The following ABCA1 variants were observed in gnomAD, a reference collection of about 807,000 sequenced individuals.
ABCA1 encodes the protein phospholipid-transporting ATPase ABCA1.
Under a neutral mutation model 262.5 loss-of-function variants are expected in ABCA1, and 133 were observed. That is an observed-to-expected ratio of 0.51 (90% confidence interval 0.44 to 0.59). The LOEUF (loss-of-function observed/expected upper bound fraction) is 0.59. Ranked by LOEUF, ABCA1 falls within the 20% of genes least tolerant of loss-of-function variation. The probability of loss-of-function intolerance (pLI) is 0.00; values close to 1 mark genes in which losing one functional copy is unlikely to be tolerated. For synonymous variants in ABCA1, 1,022 were observed against 1,043.5 expected (o/e 0.98, Z 0.40); for missense variants, 2,452 against 2,777.5 (o/e 0.88, Z 2.63).
intron 25 of ABCA1, among the ~76,000 whole-genome samples, chr9:104,815,817 TC>T (rs1831700318): frequency 6.6e-6 from 1 of 152,300 alleles, no homozygotes; most frequent in African/African-American, 2.4e-5. Flanking sequence ...ATGCCGCTGT[TC>T]CTCACACTGT....
At chr9:104,925,483 G>T (rs1391231226) in intron 1 of ABCA1, among the ~76,000 whole-genome samples, 3 of 152,000 alleles carry the variant, frequency 2.0e-5, no homozygotes, top group Non-Finnish European at 2.9e-5. Context: ...TATCACACGT[G>T]TCCAGGTTAC....
At chr9:104,786,023 T>C (rs763078145) in intron 48 of ABCA1, among the ~76,000 whole-genome samples, 3 of 152,204 alleles carry the variant, frequency 2.0e-5, no homozygotes, top group Non-Finnish European at 2.9e-5. Flanking sequence ...TGTAAATTTT[T>C]TTCATTTCAT....
At chr9:104,820,633 G>T (rs989165655) in intron 20 of ABCA1, among the ~76,000 whole-genome samples, 2 of 152,192 alleles carry the variant, frequency 1.3e-5, no homozygotes, top group African/African-American at 4.8e-5. Flanking sequence ...CTCCCTGGGG[G>T]CCTTATGGCT....
rs1322583897 is a variant in ABCA1 at position 104,814,404 on chromosome 9, C to T, written c.3787+23G>A. On this transcript the variant is annotated intron_variant, in intron 26 of 49. Coordinates refer to ENST00000374736, the MANE Select transcript of ABCA1 (RefSeq NM_005502.4). ...AGCAGAAGGCACTATCTTAAGTGTG[C>T]CATTCTCCCTCAAGGCAGTTACCTG... 4 of 1,613,276 alleles carry T rather than the reference C, an allele frequency of 2.5e-6. No individual in the cohort carries two copies. The African/African-American group carries it at 5.3e-5, about 22-fold the overall frequency.
chr9:104,787,117 T>C (rs1174560122), intron 46 of ABCA1, 141 bp from the exon 47 acceptor site: 5 of 662,638 alleles, frequency 7.5e-6, no homozygotes. Flanking sequence ...ATCAAAGAAT[T>C]AGAGTAACTT....
chr9:104,821,531 A>G (rs768760197), intron 19 of ABCA1, 25 bp from the exon 20 acceptor site: 3 of 1,613,278 alleles, frequency 1.9e-6, no homozygotes, highest in Non-Finnish European at 2.5e-6. Flanking sequence ...TTAGAAGTAC[A>G]GAAGTCAGGG....
At chr9:104,815,802 T>C (rs1333449247) in intron 25 of ABCA1, among the ~76,000 whole-genome samples, 2 of 152,134 alleles carry the variant, frequency 1.3e-5, no homozygotes, top group African/African-American at 4.8e-5. Context: ...TCCCAAGTGA[T>C]CCTGATGCCG....
intron 48 of ABCA1, 95 bp downstream of exon 48, chr9:104,786,203 T>A: frequency 9.4e-7 from 1 of 1,061,980 alleles, no homozygotes; most frequent in Non-Finnish European, 1.4e-6. Context: ...CAGTTTTATT[T>A]CCCTTTATGT....
intron 7 of ABCA1, chr9:104,855,737 T>TA: frequency 6.5e-7 from 1 of 1,547,184 alleles, no homozygotes; most frequent in Non-Finnish European, 8.7e-7. Flanking sequence ...TCAATGCTGG[T>TA]AAAATATTCA....
At chr9:104,850,119 TTTTGTTTG>T (rs61340012) in intron 7 of ABCA1, among the ~76,000 whole-genome samples, 1 of 151,254 alleles carries the variant, frequency 6.6e-6, no homozygotes, top group Non-Finnish European at 1.5e-5. Context: ...GGAGTGTTCT[TTTTGTTTG>T]TTTGTTTGTT....
At chr9:104,785,308 A>G (rs1828825136) in intron 49 of ABCA1, 88 bp downstream of exon 49, 1 of 1,546,668 alleles carries the variant, frequency 6.5e-7, no homozygotes, top group Non-Finnish European at 8.9e-7. Context: ...AATTCAAGAT[A>G]CAAACTGCTC....
In ABCA1 at chr9:104,824,460, C is replaced by A; in HGVS notation, c.2656+5G>T. 3 of 1,614,132 alleles carry A rather than the reference C, an allele frequency of 1.9e-6. No homozygotes were observed. The highest frequency in any genetic ancestry group is 2.5e-6 in the Non-Finnish European group (3 of 1,180,010). ...AAGAAAGAGCAGGAGGTCAACAGCA[C>A]TTACTTTCTGATATTCTCTTCTGGT... On this transcript the variant is annotated splice_donor_5th_base_variant and intron_variant, in intron 18 of 49. Transcript: ENST00000374736.
chr9:104,873,723 G>A (rs1365238121), intron 5 of ABCA1, among the ~76,000 whole-genome samples: 3 of 152,212 alleles, frequency 2.0e-5, no homozygotes, highest in Non-Finnish European at 2.9e-5. Context: ...AAAATGCAGT[G>A]AGCTTAAGAA....
intron 36 of ABCA1, chr9:104,799,513 T>C (rs1434964357): frequency 2.0e-6 from 2 of 983,300 alleles, no homozygotes; most frequent in Non-Finnish European, 2.4e-6. Flanking sequence ...TTTAAACAAA[T>C]CAAACTGATT....
At chr9:104,846,304 C>T (rs903650842) in intron 7 of ABCA1, among the ~76,000 whole-genome samples, 1 of 152,194 alleles carries the variant, frequency 6.6e-6, no homozygotes, top group African/African-American at 2.4e-5. Context: ...AGTGTTCAGG[C>T]TTCCAAAGAG....
chr9:104,890,593 A>AC (rs1222550012), intron 2 of ABCA1, among the ~76,000 whole-genome samples: 3 of 151,940 alleles, frequency 2.0e-5, no homozygotes, highest in Admixed American at 6.6e-5. Context: ...AAACAAACAA[A>AC]AAAAAAAAGC....
Position 104,816,248 on chromosome 9 carries a change from T to C in ABCA1, c.3633A>G (p.Glu1211=), listed in dbSNP as rs34788556. Residue 1211 remains glutamate, a synonymous_variant, in exon 25 of 50, where the codon GAA becomes GAG. Coordinates refer to ENST00000374736, the MANE Select transcript of ABCA1 (RefSeq NM_005502.4). ...CCACAAAGGCTCCCTCCTTAGCAGC[T>C]TCATATGGCAGCACATAGGTCAGCT... The part of the protein sequence containing the change: ...GHELTYVLPY[E]AAKEGAFVEL... 19,388 of 1,614,116 alleles carry C rather than the reference T, an allele frequency of 0.012. 559 individuals are homozygous for C. The highest frequency in any genetic ancestry group is 0.12 in the African/African-American group (8,714 of 74,982).
chr9:104,910,607 C>G lies in ABCA1; in HGVS notation c.-92-6836G>C, dbSNP rs1001729188. Among the ~76,000 whole-genome samples the G allele has an allele frequency of 4.6e-5, 7 of 152,250 alleles. No individual in the cohort carries two copies. The East Asian group carries it at 1.3e-3, about 29-fold the overall frequency. On this transcript the variant is annotated intron_variant, in intron 1 of 49. Coordinates refer to ENST00000374736, the MANE Select transcript of ABCA1 (RefSeq NM_005502.4). The stretch of plus-strand genomic sequence containing the variant: ...GAGAGTATGTGTGTGTGTGTATGTG[C>G]GTGTATTCCACTTTGTTCAACAAAC...
chr9:104,911,645 G>C (rs1209751499), intron 1 of ABCA1, among the ~76,000 whole-genome samples: 1 of 152,082 alleles, frequency 6.6e-6, no homozygotes, highest in Non-Finnish European at 1.5e-5. Context: ...GGGTATCCTT[G>C]CTAGGACAGC....
Sources: allele counts gnomAD v4.1 joint callset (sites outside exome capture counted in the v4.1 genomes callset), GRCh38; gene constraint gnomAD v4.1.1; transcripts MANE v1.5; gene names NCBI Gene and HGNC (gene_info 2026-07-23, HGNC 2026-07-21).